The following FSD1L variants were observed in gnomAD, a reference collection of about 807,000 sequenced individuals.
The protein encoded by FSD1L is fibronectin type III and SPRY domain containing 1 like, also known as FSD1-like protein.
Under a neutral mutation model 71.6 loss-of-function variants are expected in FSD1L, and 45 were observed. The ratio of observed to expected loss-of-function variants is 0.63; its 90% CI spans 0.49 to 0.81. The LOEUF (loss-of-function observed/expected upper bound fraction) is 0.81. Among genes scored for constraint, FSD1L ranks in the 30% least tolerant of loss-of-function variants. The pLI is 0.00. For missense variants in FSD1L, 561 were observed against 618.1 expected (o/e 0.91, Z 0.98); for synonymous variants, 197 against 207.2 (o/e 0.95, Z 0.42).
At chr9:105,525,320 C>A (rs956943762) in intron 10 of FSD1L, 20 of 1,606,012 alleles carry the variant, frequency 1.2e-5, no homozygotes, top group African/African-American at 2.7e-5. Flanking sequence ...TTGGGTGTTA[C>A]TAGTCCTGAA....
chr9:105,535,152 C>T lies in FSD1L; in HGVS notation c.1212C>T (p.Tyr404=). The change falls in exon 12 of 14, where the codon TAC becomes TAT. Residue 404 remains tyrosine, a synonymous_variant. Transcript: ENST00000481272. ...AATCCTACAGTGTGGGAGTAGCATA[C>T]AAAACGTTGGGGAAATTTGACCAAT... ...DCKSYSVGVA[Y]KTLGKFDQLG... is the part of the protein sequence containing the mutation. 6.4e-7 allele frequency: 1 copy of T among 1,551,878 alleles called. No individual in the cohort carries two copies. Among genetic ancestry groups the T allele is most frequent in the Non-Finnish European group, 8.7e-7 (1 of 1,147,008 alleles).
chr9:105,476,302 T>G (rs998597139), intron 5 of FSD1L, among the ~76,000 whole-genome samples: 2 of 152,170 alleles, frequency 1.3e-5, no homozygotes, highest in Non-Finnish European at 2.9e-5. Context: ...CTTCCCTCAT[T>G]GCCTCCCTCC....
intron 7 of FSD1L, among the ~76,000 whole-genome samples, chr9:105,494,037 A>G (rs1833158783): frequency 6.6e-6 from 1 of 152,000 alleles, no homozygotes; most frequent in African/African-American, 2.4e-5. Flanking sequence ...CCTTAATCTG[A>G]ATGTTGGCCT....
At chr9:105,485,793 G>A (rs886844902) in intron 7 of FSD1L, among the ~76,000 whole-genome samples, 1 of 151,848 alleles carries the variant, frequency 6.6e-6, no homozygotes, top group Non-Finnish European at 1.5e-5. Flanking sequence ...ACAGGCAGCC[G>A]TCACCAAGCC....
At chr9:105,521,857 C>T in intron 10 of FSD1L, 1 of 1,612,318 alleles carries the variant, frequency 6.2e-7, no homozygotes, top group Admixed American at 1.7e-5. Flanking sequence ...ATTATAAACT[C>T]ATCAAATATA....
intron 7 of FSD1L, among the ~76,000 whole-genome samples, chr9:105,493,470 T>G (rs975761184): frequency 6.6e-6 from 1 of 151,558 alleles, no homozygotes; most frequent in African/African-American, 2.4e-5. Context: ...CCAGTCTGTG[T>G]CTTTTAATTG....
At chr9:105,451,061 G>T (rs1236513069) in intron 1 of FSD1L, among the ~76,000 whole-genome samples, 1 of 151,924 alleles carries the variant, frequency 6.6e-6, no homozygotes, top group Non-Finnish European at 1.5e-5. Flanking sequence ...CCAGGTTCAC[G>T]CCATTCTCCT....
intron 10 of FSD1L, chr9:105,522,631 C>T: frequency 1.2e-6 from 2 of 1,612,700 alleles, no homozygotes; most frequent in Non-Finnish European, 8.5e-7. Flanking sequence ...CAGCCATTGC[C>T]TTGAAGTAGC....
intron 10 of FSD1L, chr9:105,524,804 G>T (rs1457607378): frequency 3.1e-6 from 5 of 1,590,248 alleles, no homozygotes; most frequent in Non-Finnish European, 4.3e-6. Context: ...TAAATCACCT[G>T]GGCCATTATC....
chr9:105,543,665 T>C (rs1274796290), intron 13 of FSD1L, among the ~76,000 whole-genome samples: 1 of 152,146 alleles, frequency 6.6e-6, no homozygotes, highest in East Asian at 1.9e-4. Flanking sequence ...TTCCCACCTA[T>C]GAGTGAGAAC....
chr9:105,519,842 G>GCGGCCGCTGGAGACGAGCA (rs1835002768), intron 10 of FSD1L, among the ~76,000 whole-genome samples: 1 of 152,138 alleles, frequency 6.6e-6, no homozygotes, highest in African/African-American at 2.4e-5. Context: ...GGAGACGAGC[G>GCGGCCGCTGGAGACGAGCA]GCGGCGGCAG....
chr9:105,506,399 T>C lies in FSD1L; in HGVS notation c.587T>C (p.Val196Ala), dbSNP rs1039344974. ...QMLQTLKFLP[V>A]PKAPEIDPVE... ...TCTTTTTTTTTTTTCTTCTTTGCAG[T>C]CCCCAAAGCTCCAGAGATAGATCCA... Residue 196 changes from valine to alanine, a missense_variant and splice_region_variant, in exon 8 of 14, where the codon GTC becomes GCC. By Grantham distance (64) the Val-to-Ala change is moderately conservative (BLOSUM62 0). This residue lies in a region of FSD1L where 410 missense variants were observed against 413.5 expected (regional missense o/e 0.99). Coordinates refer to ENST00000481272, the MANE Select transcript of FSD1L (RefSeq NM_001145313.3). The C allele has an allele frequency of 6.5e-7, 1 of 1,545,832 alleles. No individual in the cohort carries two copies. The highest frequency in any genetic ancestry group is 8.7e-7 in the Non-Finnish European group (1 of 1,143,856).
chr9:105,462,285 G>A (rs954882616), intron 2 of FSD1L, among the ~76,000 whole-genome samples: 6 of 147,262 alleles, frequency 4.1e-5, no homozygotes, highest in African/African-American at 5.0e-5. Context: ...GTGTGATCTC[G>A]GCTCACTGCA....
At chr9:105,544,445 T>A (rs1836843238) in intron 13 of FSD1L, among the ~76,000 whole-genome samples, 1 of 152,216 alleles carries the variant, frequency 6.6e-6, no homozygotes, top group Admixed American at 6.5e-5. Flanking sequence ...CTCCCATTTG[T>A]CAATTTTGTC....
intron 3 of FSD1L, among the ~76,000 whole-genome samples, chr9:105,466,455 G>A (rs1831077453): frequency 6.6e-6 from 1 of 152,142 alleles, no homozygotes; most frequent in South Asian, 2.1e-4. Flanking sequence ...ATTCATGGGA[G>A]GCCGAGTCAG....
chr9:105,473,568 T>C (rs986047088), intron 5 of FSD1L, among the ~76,000 whole-genome samples: 8 of 152,162 alleles, frequency 5.3e-5, no homozygotes, highest in African/African-American at 1.9e-4. Flanking sequence ...CAAATTCCCC[T>C]TTTAGTGGAG....
intron 12 of FSD1L, among the ~76,000 whole-genome samples, chr9:105,537,384 C>T (rs1387025094): frequency 6.6e-6 from 1 of 152,024 alleles, no homozygotes. Context: ...AACTTATTCA[C>T]CTTGAATCAG....
At chr9:105,501,920 T>A (rs1477935606) in intron 7 of FSD1L, among the ~76,000 whole-genome samples, 1 of 152,182 alleles carries the variant, frequency 6.6e-6, no homozygotes, top group Non-Finnish European at 1.5e-5. Context: ...CTATCATTCA[T>A]CCCTTTGTGT....
chr9:105,477,099 A>T (rs779695301), intron 5 of FSD1L, among the ~76,000 whole-genome samples: 1 of 152,200 alleles, frequency 6.6e-6, no homozygotes, highest in Non-Finnish European at 1.5e-5. Context: ...CTTTGCATGC[A>T]TGCATATGTG....
Sources: gnomAD v4.1 joint callset for allele counts (sites outside exome capture counted in the v4.1 genomes callset) on GRCh38, gnomAD v4.1.1 for gene constraint, gnomAD v4.1.1 regional missense constraint, MANE v1.5 for transcripts, NCBI Gene and HGNC (gene_info 2026-07-23, HGNC 2026-07-21) for gene names.